BMPER: variants seen among roughly 807,000 people sequenced by gnomAD.
BMPER encodes the protein BMP binding endothelial regulator.
In BMPER, 45 loss-of-function variants were observed where a neutral mutation model predicts 87.3. The observed-to-expected ratio is 0.52, with a 90% CI of 0.41 to 0.66. BMPER has a LOEUF of 0.66. Ranked by LOEUF, BMPER falls within the 30% of genes least tolerant of loss-of-function variation. BMPER has a pLI of 0.00. For synonymous variants in BMPER, 326 were observed against 316.2 expected, an observed-to-expected ratio of 1.03 and a Z score of -0.33; for missense variants, 784 against 867.5, an observed-to-expected ratio of 0.90 and a Z score of 1.21.
intron 6 of BMPER, among the ~76,000 whole-genome samples, chr7:34,029,446 G>T (rs934693105): frequency 6.6e-6 from 1 of 152,014 alleles, no homozygotes; most frequent in African/African-American, 2.4e-5. Context: ...CAAAAGGAAG[G>T]GAGCTAGCTC....
At chr7:33,980,980 T>C (rs1158691325) in intron 6 of BMPER, among the ~76,000 whole-genome samples, 8 of 152,192 alleles carry the variant, frequency 5.3e-5, no homozygotes, top group Non-Finnish European at 8.8e-5. Context: ...ATGGAGATCC[T>C]CATGGCTTCC....
chr7:33,945,933 A>T (rs2128611930), intron 3 of BMPER, among the ~76,000 whole-genome samples: 1 of 152,262 alleles, frequency 6.6e-6, no homozygotes, highest in South Asian at 2.1e-4. Flanking sequence ...AAGGGGACAC[A>T]GAGAAGTACC....
intron 3 of BMPER, among the ~76,000 whole-genome samples, chr7:33,961,854 G>A (rs1438973488): frequency 6.6e-6 from 1 of 152,144 alleles, no homozygotes; most frequent in African/African-American, 2.4e-5. Context: ...TGGAGTTCTA[G>A]GGATGAAGGG....
intron 11 of BMPER, among the ~76,000 whole-genome samples, chr7:34,070,319 T>C (rs906891972): frequency 6.6e-6 from 1 of 152,196 alleles, no homozygotes; most frequent in Non-Finnish European, 1.5e-5. Flanking sequence ...GGCACCCCCA[T>C]ATCCCAGCTG....
At chr7:34,069,581 G>A (rs1436979737) in intron 11 of BMPER, among the ~76,000 whole-genome samples, 1 of 152,096 alleles carries the variant, frequency 6.6e-6, no homozygotes, top group Non-Finnish European at 1.5e-5. Flanking sequence ...ACTGGCCTAC[G>A]AGACTCCAAA....
intron 13 of BMPER, among the ~76,000 whole-genome samples, chr7:34,088,835 A>C (rs1044925573): frequency 3.9e-5 from 6 of 152,168 alleles, no homozygotes; most frequent in Admixed American, 3.9e-4. Flanking sequence ...TGATGTCATC[A>C]CGGAGGACTG....
chr7:34,007,335 T>G (rs573605630), intron 6 of BMPER, among the ~76,000 whole-genome samples: 1 of 152,056 alleles, frequency 6.6e-6, no homozygotes, highest in Non-Finnish European at 1.5e-5. Flanking sequence ...ATTTTATTTT[T>G]TAAGGGATTT....
chr7:34,145,272 C>T (rs1458083198), intron 14 of BMPER, among the ~76,000 whole-genome samples: 1 of 152,072 alleles, frequency 6.6e-6, no homozygotes, highest in Non-Finnish European at 1.5e-5. Context: ...TTGGTGCAGT[C>T]ACTAGTCTGT....
At chr7:34,129,577 G>GGAGAGAGAGAGAGAGAGAGA (rs759886152) in intron 13 of BMPER, among the ~76,000 whole-genome samples, 3 of 47,718 alleles carry the variant, frequency 6.3e-5, no homozygotes, top group Admixed American at 2.7e-4. Flanking sequence ...AAGGAAGGAA[G>GGAGAGAGAGAGAGAGAGAGA]GAGAGAGAGA....
chr7:33,940,814 A>G (rs1294876453), intron 3 of BMPER, among the ~76,000 whole-genome samples: 1 of 146,492 alleles, frequency 6.8e-6, no homozygotes, highest in Non-Finnish European at 1.5e-5. Flanking sequence ...TCTCAGGGTC[A>G]AAGAATTTAT....
intron 6 of BMPER, among the ~76,000 whole-genome samples, chr7:34,025,854 C>T: frequency 6.6e-6 from 1 of 151,934 alleles, no homozygotes; most frequent in East Asian, 1.9e-4. Context: ...TTTTAAACTG[C>T]CTGTTCGTTT....
chr7:33,994,774 G>A (rs1209113097), intron 6 of BMPER, among the ~76,000 whole-genome samples: 2 of 152,212 alleles, frequency 1.3e-5, no homozygotes, highest in African/African-American at 4.8e-5. Context: ...GAGACCTGTG[G>A]TCCTGTCCTA....
intron 11 of BMPER, among the ~76,000 whole-genome samples, chr7:34,068,967 C>G (rs931093292): frequency 6.6e-6 from 1 of 152,162 alleles, no homozygotes; most frequent in Non-Finnish European, 1.5e-5. Flanking sequence ...TGGATTTTTG[C>G]TTGGGAAAGC....
At chr7:33,934,403 C>T (rs1784553317) in intron 2 of BMPER, among the ~76,000 whole-genome samples, 1 of 151,156 alleles carries the variant, frequency 6.6e-6, no homozygotes, top group Non-Finnish European at 1.5e-5. Flanking sequence ...TCAGATATGG[C>T]AGTTCTGTAC....
intron 6 of BMPER, among the ~76,000 whole-genome samples, chr7:34,022,421 G>A (rs896174389): frequency 2.7e-5 from 4 of 148,228 alleles, no homozygotes; most frequent in Admixed American, 2.0e-4. Flanking sequence ...AAAAACTCTT[G>A]AATCCACGTG....
chr7:33,907,477 A>G (rs750600400), intron 2 of BMPER, among the ~76,000 whole-genome samples: 11 of 152,212 alleles, frequency 7.2e-5, no homozygotes, highest in Non-Finnish European at 1.5e-4. Context: ...GGACAATTCC[A>G]TCCTTAATAG....
intron 3 of BMPER, among the ~76,000 whole-genome samples, chr7:33,948,464 A>G (rs1784940394): frequency 6.6e-6 from 1 of 152,172 alleles, no homozygotes; most frequent in African/African-American, 2.4e-5. Flanking sequence ...CCACTGTCCC[A>G]TTCTTGCTTG....
chr7:34,020,208 G>T (rs1758185271), intron 6 of BMPER, among the ~76,000 whole-genome samples: 1 of 151,878 alleles, frequency 6.6e-6, no homozygotes, highest in Admixed American at 6.6e-5. Context: ...GCCACTGAAA[G>T]ATTTAATCCA....
chr7:34,132,919 A>T (rs1790631038), intron 13 of BMPER, among the ~76,000 whole-genome samples: 1 of 152,132 alleles, frequency 6.6e-6, no homozygotes, highest in African/African-American at 2.4e-5. Context: ...AAATGTGTAT[A>T]TTGCTCTCTG....
Sources: allele counts gnomAD v4.1 joint callset (sites outside exome capture counted in the v4.1 genomes callset), GRCh38; gene constraint gnomAD v4.1.1; transcripts MANE v1.5; gene names NCBI Gene and HGNC (gene_info 2026-07-23, HGNC 2026-07-21).